PTGER2: variants seen among roughly 807,000 people sequenced by gnomAD.
The protein encoded by PTGER2 is prostaglandin E2 receptor EP2 subtype.
Under a neutral mutation model 26.2 loss-of-function variants are expected in PTGER2, and 22 were observed. The observed-to-expected ratio is 0.84, with a 90% CI of 0.60 to 1.20. PTGER2 has a LOEUF of 1.20. Ranked by LOEUF, PTGER2 falls within the 50% of genes most tolerant of loss-of-function variation. The pLI is 0.00. For synonymous variants in PTGER2, 219 were observed against 208.9 expected, an observed-to-expected ratio of 1.05 and a Z score of -0.42; for missense variants, 458 against 475.2, an observed-to-expected ratio of 0.96 and a Z score of 0.34.
chr14:52,315,121 C>T lies in PTGER2; in HGVS notation c.573C>T (p.His191=), dbSNP rs970001007. ...YCPGTWCFIR[H]GRTAYLQLYA... is the part of the protein sequence containing the mutation. ...CCGGGACCTGGTGCTTCATCCGGCACGGGCGGACCGCTTACCTGCAGCTGT... is the reference window on the plus strand; with the variant it reads ...CCGGGACCTGGTGCTTCATCCGGCATGGGCGGACCGCTTACCTGCAGCTGT... The change falls in exon 1 of 2, where the codon CAC becomes CAT. Residue 191 remains histidine (H), a synonymous_variant. Coordinates refer to ENST00000245457, the MANE Select transcript of PTGER2 (RefSeq NM_000956.4). The T allele has an allele frequency of 3.7e-6, 6 of 1,609,762 alleles. No individual in the cohort carries two copies. The highest frequency in any genetic ancestry group is 4.5e-5 in the East Asian group (2 of 44,856).
chr14:52,318,926 A>G (rs1437483381), intron 1 of PTGER2, among the ~76,000 whole-genome samples: 1 of 152,184 alleles, frequency 6.6e-6, no homozygotes, highest in Non-Finnish European at 1.5e-5. Context: ...CATTATCTTC[A>G]CAGCACCGTA....
intron 1 of PTGER2, among the ~76,000 whole-genome samples, chr14:52,324,590 G>T (rs1218833217): frequency 1.3e-5 from 2 of 152,170 alleles, no homozygotes; most frequent in East Asian, 3.8e-4. Context: ...ATAATATGCA[G>T]AAAAGTGAAA....
intron 1 of PTGER2, among the ~76,000 whole-genome samples, chr14:52,316,901 A>G (rs564334620): frequency 6.6e-6 from 1 of 152,122 alleles, no homozygotes. Flanking sequence ...CTCCCATACC[A>G]CTCTGAGCAG....
chr14:52,324,673 TTA>T (rs1377878765), intron 1 of PTGER2, among the ~76,000 whole-genome samples: 4 of 152,300 alleles, frequency 2.6e-5, no homozygotes, highest in South Asian at 4.1e-4. Flanking sequence ...ATGGTAAATT[TTA>T]TGTTATATTT....
intron 1 of PTGER2, among the ~76,000 whole-genome samples, chr14:52,317,926 A>G (rs1054313834): frequency 3.3e-5 from 5 of 152,256 alleles, no homozygotes; most frequent in Admixed American, 1.3e-4. Flanking sequence ...TATTTTGTCA[A>G]TAGATTATTG....
In PTGER2 at chr14:52,315,122, G is replaced by A; in HGVS notation, c.574G>A (p.Gly192Arg). 1 of 1,609,902 alleles carries A rather than the reference G, an allele frequency of 6.2e-7. No individual in the cohort carries two copies. The highest frequency in any genetic ancestry group is 1.1e-5 in the South Asian group (1 of 91,064). Residue 192 changes from glycine to arginine, a missense_variant, in exon 1 of 2, where the codon GGG becomes AGG. Transcript: ENST00000245457. ...CPGTWCFIRHGRTAYLQLYAT... is the reference protein window; with the variant it reads ...CPGTWCFIRHRRTAYLQLYAT... ...CGGGACCTGGTGCTTCATCCGGCAC[G>A]GGCGGACCGCTTACCTGCAGCTGTA...
rs766067002 is a variant in PTGER2, at chr14:52,314,956, C to G, written c.408C>G (p.Leu136=). 6.2e-7 allele frequency: 1 copy of G among 1,613,198 alleles called. No individual in the cohort carries two copies. The highest frequency in any genetic ancestry group is 1.7e-4 in the Middle Eastern group (1 of 6,060). The change falls in exon 1 of 2, where the codon CTC becomes CTG. Residue 136 remains leucine (L), a synonymous_variant. Coordinates refer to ENST00000245457, the MANE Select transcript of PTGER2 (RefSeq NM_000956.4). This position sits in a 1 kb window ranked among gnomAD's most constrained non-coding sequence, Gnocchi z 5.7. ...TCGCCATGGCCCTGGAGCGCTACCT[C>G]TCGATCGGGCACCCCTACTTCTACC... ...MLFAMALERY[L]SIGHPYFYQR... is the part of the protein sequence containing the mutation.
At chr14:52,317,392 C>T (rs2033851617) in intron 1 of PTGER2, among the ~76,000 whole-genome samples, 1 of 152,106 alleles carries the variant, frequency 6.6e-6, no homozygotes, top group African/African-American at 2.4e-5. Flanking sequence ...AACAGGTTGC[C>T]CTGTTTTCAT....
At chr14:52,321,896 A>G (rs1253231727) in intron 1 of PTGER2, among the ~76,000 whole-genome samples, 14 of 152,354 alleles carry the variant, frequency 9.2e-5, no homozygotes, top group Admixed American at 8.5e-4. Context: ...CTGAAAGCTC[A>G]AAGTCATTTG....
At chr14:52,322,991 A>T (rs761336802) in intron 1 of PTGER2, among the ~76,000 whole-genome samples, 4 of 152,246 alleles carry the variant, frequency 2.6e-5, no homozygotes, top group Non-Finnish European at 5.9e-5. Context: ...TAACACAAAT[A>T]TCATAGTGGT....
intron 1 of PTGER2, among the ~76,000 whole-genome samples, chr14:52,324,809 C>T (rs1051962737): frequency 1.3e-5 from 2 of 152,016 alleles, no homozygotes; most frequent in Non-Finnish European, 2.9e-5. Flanking sequence ...TCAAGAATTT[C>T]GAGGGTCACT....
Position 52,327,480 on chromosome 14 carries a change from T to C in PTGER2, c.*26T>C. The C allele has an allele frequency of 2.0e-6, 3 of 1,497,002 alleles. No individual in the cohort carries two copies. Among genetic ancestry groups the C allele is most frequent in the Non-Finnish European group, 2.8e-6 (3 of 1,085,046 alleles). 92.7% of individuals were successfully genotyped at this position (1,497,002 alleles called of 1,614,324 possible). A position where few individuals can be genotyped will look rare whatever the true frequency, so the allele number is the denominator to read the frequency against. On this transcript the variant is annotated 3_prime_UTR_variant, in exon 2 of 2. Transcript: ENST00000245457. The stretch of plus-strand genomic sequence containing the variant: ...GGTCAGTAGTTTAAAAGTTCTTAGT[T>C]ATATAGCATCTGGAAGATCATTTTG...
chr14:52,315,895 C>T (rs758860640), intron 1 of PTGER2, among the ~76,000 whole-genome samples: 7 of 152,244 alleles, frequency 4.6e-5, no homozygotes, highest in Non-Finnish European at 1.0e-4. Context: ...AGCATTCCAG[C>T]TGCCATTGAA....
At chr14:52,316,695 T>A (rs1309026374) in intron 1 of PTGER2, among the ~76,000 whole-genome samples, 1 of 152,220 alleles carries the variant, frequency 6.6e-6, no homozygotes, top group African/African-American at 2.4e-5. Context: ...AAGGTCTGAA[T>A]ATGATTCTCT....
At chr14:52,321,436 C>G (rs2033894506) in intron 1 of PTGER2, among the ~76,000 whole-genome samples, 1 of 152,182 alleles carries the variant, frequency 6.6e-6, no homozygotes. Context: ...CATGGTTTTT[C>G]AGTCCATAAA....
Position 52,314,839 on chromosome 14 carries a change from G to A in PTGER2, c.291G>A (p.Gln97=), listed in dbSNP as rs1459797353. 6.2e-7 allele frequency: 1 copy of A among 1,613,008 alleles called. No homozygotes were observed. The highest frequency in any genetic ancestry group is 2.2e-5 in the East Asian group (1 of 44,874). Residue 97 remains glutamine (Q), a synonymous_variant, in exon 1 of 2, where the codon CAG becomes CAA. Transcript: ENST00000245457. The surrounding 1 kb of genome is among the most constrained non-coding windows in gnomAD (Gnocchi z 5.7). ...PVVLASYARN[Q]TLVALAPESR... ...TACTGGCTTCGTACGCGCGGAACCA[G>A]ACCCTGGTGGCACTGGCGCCCGAGA...
intron 1 of PTGER2, among the ~76,000 whole-genome samples, chr14:52,322,356 C>G (rs1478334658): frequency 6.6e-6 from 1 of 151,946 alleles, no homozygotes; most frequent in Non-Finnish European, 1.5e-5. Flanking sequence ...AAAAGGAGAA[C>G]AAAGATCACA....
chr14:52,314,817 T>C lies in PTGER2; in HGVS notation c.269T>C (p.Leu90Pro). The change falls in exon 1 of 2, where the codon CTG becomes CCG. Residue 90 changes from leucine (L) to proline (P), a missense_variant. By Grantham distance (98) the Leu-to-Pro change is moderately conservative (BLOSUM62 -3). Coordinates refer to ENST00000245457, the MANE Select transcript of PTGER2 (RefSeq NM_000956.4). The surrounding 1 kb of genome is among the most constrained non-coding windows in gnomAD (Gnocchi z 5.7). ...LGTCLISPVV[L>P]ASYARNQTLV... ...ACCTGCCTCATCAGCCCAGTGGTACTGGCTTCGTACGCGCGGAACCAGACC... is the reference window on the plus strand; with the variant it reads ...ACCTGCCTCATCAGCCCAGTGGTACCGGCTTCGTACGCGCGGAACCAGACC... 7 of 1,613,128 alleles carry C rather than the reference T, an allele frequency of 4.3e-6. No homozygotes were observed. Among genetic ancestry groups the C allele is most frequent in the Non-Finnish European group, 5.9e-6 (7 of 1,179,966 alleles).
chr14:52,323,837 T>C (rs889997014), intron 1 of PTGER2, among the ~76,000 whole-genome samples: 6 of 152,204 alleles, frequency 3.9e-5, no homozygotes, highest in African/African-American at 1.4e-4. Context: ...GGAATTAAAA[T>C]TCACTTGACT....
Sources: allele counts gnomAD v4.1 joint callset (sites outside exome capture counted in the v4.1 genomes callset), GRCh38; gene constraint gnomAD v4.1.1; non-coding constraint Gnocchi (gnomAD v3.1); transcripts MANE v1.5; gene names NCBI Gene and HGNC (gene_info 2026-07-23, HGNC 2026-07-21).